MGAT4C: variants seen among roughly 807,000 people sequenced by gnomAD.
The protein encoded by MGAT4C is MGAT4 family member C.
Under a neutral mutation model 40.1 loss-of-function variants are expected in MGAT4C, and 19 were observed. The observed-to-expected ratio is 0.47, with a 90% CI of 0.33 to 0.70. The LOEUF is 0.70. Ranked by LOEUF, MGAT4C falls within the 30% of genes least tolerant of loss-of-function variation. The pLI is 0.02. For missense variants in MGAT4C, 491 were observed against 563.2 expected (o/e 0.87, Z 1.30); for synonymous variants, 181 against 187.1 (o/e 0.97, Z 0.27).
chr12:86,111,196 CA>C (rs1877343707), intron 1 of MGAT4C, among the ~76,000 whole-genome samples: 2 of 151,590 alleles, frequency 1.3e-5, no homozygotes, highest in South Asian at 4.1e-4. Flanking sequence ...TTTTATTACA[CA>C]GGTATAAAAA....
At chr12:86,800,513 C>T (rs1253303867) in intron 1 of MGAT4C, among the ~76,000 whole-genome samples, 1 of 151,732 alleles carries the variant, frequency 6.6e-6, no homozygotes, top group Non-Finnish European at 1.5e-5. Context: ...TAGGAAAAGA[C>T]AATGAAATAC....
At chr12:86,521,038 T>A (rs1484534374) in intron 2 of MGAT4C, among the ~76,000 whole-genome samples, 1 of 152,148 alleles carries the variant, frequency 6.6e-6, no homozygotes, top group Non-Finnish European at 1.5e-5. Context: ...ACTCTGTAGA[T>A]AGTTTCTTTT....
intron 1 of MGAT4C, among the ~76,000 whole-genome samples, chr12:86,173,073 G>A (rs182366003): frequency 1.4e-4 from 22 of 152,162 alleles, no homozygotes; most frequent in Admixed American, 1.1e-3. Context: ...AAGCATTAAC[G>A]TTCTGCAAGA....
chr12:86,361,086 T>C (rs1955454131), intron 3 of MGAT4C, among the ~76,000 whole-genome samples: 1 of 152,018 alleles, frequency 6.6e-6, no homozygotes, highest in Non-Finnish European at 1.5e-5. Flanking sequence ...CTTCAAACTA[T>C]ACTACAAGGC....
intron 1 of MGAT4C, among the ~76,000 whole-genome samples, chr12:86,091,018 T>C (rs1872777591): frequency 6.6e-6 from 1 of 151,926 alleles, no homozygotes; most frequent in South Asian, 2.1e-4. Context: ...TCCCTTTTCC[T>C]GTAAAATGTC....
chr12:86,112,154 G>T (rs1877542969), intron 1 of MGAT4C, among the ~76,000 whole-genome samples: 1 of 151,620 alleles, frequency 6.6e-6, no homozygotes, highest in African/African-American at 2.4e-5. Context: ...TTATAATCAG[G>T]AATAATAGTT....
intron 1 of MGAT4C, among the ~76,000 whole-genome samples, chr12:86,064,415 C>A (rs938936582): frequency 1.3e-5 from 2 of 152,004 alleles, no homozygotes; most frequent in African/African-American, 2.4e-5. Context: ...GAAACTCAAG[C>A]AAAACTGCAC....
chr12:86,072,391 T>A (rs1262619085), intron 1 of MGAT4C, among the ~76,000 whole-genome samples: 1 of 151,934 alleles, frequency 6.6e-6, no homozygotes, highest in Non-Finnish European at 1.5e-5. Context: ...TTTTTTATTG[T>A]CATCCACATG....
intron 2 of MGAT4C, among the ~76,000 whole-genome samples, chr12:86,530,207 C>T (rs1958957416): frequency 6.6e-6 from 1 of 151,844 alleles, no homozygotes; most frequent in Non-Finnish European, 1.5e-5. Context: ...TAACTAGAGT[C>T]CTGCCTTGAA....
rs1038282331 is a variant in MGAT4C at position 86,816,607 on chromosome 12, A to T, written c.-262+22059T>A. Among the ~76,000 whole-genome samples, 11 of 151,888 alleles carry T rather than the reference A, an allele frequency of 7.2e-5. 1 individual carries two copies. The East Asian group carries it at 2.1e-3, about 29-fold the overall frequency. ...ATACATTCTGGTTAAAAAAAATTAG[A>T]TAAGATAAAAATTATCTTTTATGTG... is the stretch of plus-strand genomic sequence containing the variant. On this transcript the variant is annotated intron_variant, in intron 1 of 7. Transcript: ENST00000548651.
intron 2 of MGAT4C, among the ~76,000 whole-genome samples, chr12:86,489,208 T>C (rs1958081817): frequency 6.6e-6 from 1 of 152,036 alleles, no homozygotes; most frequent in South Asian, 2.1e-4. Flanking sequence ...CAACTTAACT[T>C]CAGAAGAGAG....
intron 2 of MGAT4C, among the ~76,000 whole-genome samples, chr12:86,630,401 G>T (rs1011752556): frequency 3.9e-5 from 6 of 152,110 alleles, no homozygotes; most frequent in Admixed American, 1.3e-4. Flanking sequence ...TAACTCATTT[G>T]ATGAGGCCAG....
At chr12:86,344,717 G>GGT (rs71076188) in intron 3 of MGAT4C, among the ~76,000 whole-genome samples, 53,190 of 139,218 alleles carry the variant, frequency 0.38, 10,686 homozygotes, top group Admixed American at 0.47. Context: ...ATCTCTTCTC[G>GGT]GTGTGTGTGT....
intron 1 of MGAT4C, among the ~76,000 whole-genome samples, chr12:86,067,021 C>A (rs572094450): frequency 6.6e-6 from 1 of 152,164 alleles, no homozygotes; most frequent in South Asian, 2.1e-4. Flanking sequence ...CCATCTCACG[C>A]CAGTTAGAAT....
At chr12:86,231,811 T>C (rs968429104) in intron 1 of MGAT4C, among the ~76,000 whole-genome samples, 1 of 152,092 alleles carries the variant, frequency 6.6e-6, no homozygotes, top group Non-Finnish European at 1.5e-5. Flanking sequence ...GTAACAGCCT[T>C]CTAACAAAGA....
At chr12:86,684,504 G>A (rs1212659376) in intron 2 of MGAT4C, among the ~76,000 whole-genome samples, 1 of 152,190 alleles carries the variant, frequency 6.6e-6, no homozygotes, top group African/African-American at 2.4e-5. Flanking sequence ...GTGTGTATGT[G>A]TCTTTATAAC....
chr12:86,276,971 A>G (rs372197400), intron 4 of MGAT4C, among the ~76,000 whole-genome samples: 4 of 152,294 alleles, frequency 2.6e-5, no homozygotes, highest in East Asian at 1.9e-4. Context: ...GCTGGATCAT[A>G]TGGTAGCTCT....
intron 2 of MGAT4C, among the ~76,000 whole-genome samples, chr12:86,012,888 C>T (rs1888645222): frequency 6.6e-6 from 1 of 151,350 alleles, no homozygotes; most frequent in Non-Finnish European, 1.5e-5. Context: ...CTTTGGGAGG[C>T]TGAGTTGGGA....
intron 1 of MGAT4C, among the ~76,000 whole-genome samples, chr12:86,250,435 T>C (rs915681779): frequency 4.0e-5 from 6 of 151,122 alleles, no homozygotes; most frequent in Non-Finnish European, 7.4e-5. Flanking sequence ...ACGTCATGAG[T>C]AAAGAAGAAC....
Sources: gnomAD v4.1 joint callset for allele counts (sites outside exome capture counted in the v4.1 genomes callset) on GRCh38, gnomAD v4.1.1 for gene constraint, MANE v1.5 for transcripts, NCBI Gene and HGNC (gene_info 2026-07-23, HGNC 2026-07-21) for gene names.